PCBP2: variants seen among roughly 807,000 people sequenced by gnomAD.
PCBP2 encodes poly(rC)-binding protein 2.
PCBP2 carries 4 observed loss-of-function variants against 50.1 expected under a neutral mutation model. That is an observed-to-expected ratio of 0.08 (90% CI 0.04 to 0.18). The LOEUF is 0.18. Ranked by LOEUF, PCBP2 falls within the 10% of genes least tolerant of loss-of-function variation. PCBP2 has a pLI of 1.00. For missense variants in PCBP2, 161 were observed against 474.3 expected, an observed-to-expected ratio of 0.34 and a Z score of 6.14; for synonymous variants, 179 against 168.0, an observed-to-expected ratio of 1.07 and a Z score of -0.51.
chr12:53,477,556 C>G (rs868734428), intron 14 of PCBP2, among the ~76,000 whole-genome samples: 2 of 148,124 alleles, frequency 1.4e-5, no homozygotes, highest in Admixed American at 1.4e-4. Flanking sequence ...GTCCCAGCAA[C>G]TCGGGAGGCT....
intron 14 of PCBP2, chr12:53,474,812 T>C: frequency 5.5e-6 from 2 of 362,048 alleles, no homozygotes; most frequent in South Asian, 4.1e-5. Flanking sequence ...TTACTCCCTT[T>C]TGTGGTCTTC....
At chr12:53,461,254 G>A (rs1941424605) in intron 7 of PCBP2, 111 bp downstream of exon 7, 11 of 1,245,046 alleles carry the variant, frequency 8.8e-6, no homozygotes, top group African/African-American at 3.0e-5. Context: ...GGCTTCCAGT[G>A]GGGGTGGGGC....
Position 53,454,714 on chromosome 12 carries a change from T to G in PCBP2, c.-75-12T>G. On this transcript the variant is annotated splice_polypyrimidine_tract_variant and intron_variant, in intron 1 of 14. Coordinates refer to ENST00000546463, the MANE Select transcript of PCBP2 (RefSeq NM_031989.5). ...TTTTCCTCCTCTGATTTTGGTCATG[T>G]TTGCATTTTAGTTTTTGGCTTTCAC... 2.0e-6 allele frequency: 2 copies of G among 984,236 alleles called. No homozygotes were observed. The highest frequency in any genetic ancestry group is 1.3e-5 in the South Asian group (1 of 76,628). 61.0% of individuals were successfully genotyped at this position (984,236 alleles called of 1,614,324 possible).
rs1370938792 is a variant in PCBP2, at chr12:53,455,242, A to C, written c.70-105A>C. 33 of 1,075,826 alleles carry C rather than the reference A, an allele frequency of 3.1e-5. No individual in the cohort carries two copies. In the East Asian group the frequency reaches 8.6e-4, roughly 28 times the overall value. 66.6% of individuals were successfully genotyped at this position (1,075,826 alleles called of 1,614,324 possible). On this transcript the variant is annotated intron_variant, in intron 2 of 14. Coordinates refer to ENST00000546463, the MANE Select transcript of PCBP2 (RefSeq NM_031989.5). ...TAGACAGTTAAAATTCCTTTTCATA[A>C]TGAATACTTCATTAGAACATGTAGA...
chr12:53,457,166 C>T (rs1941091254), intron 5 of PCBP2, among the ~76,000 whole-genome samples: 1 of 152,082 alleles, frequency 6.6e-6, no homozygotes, highest in Non-Finnish European at 1.5e-5. Context: ...TCTGCCTTAG[C>T]TTCCTGAGTA....
intron 1 of PCBP2, among the ~76,000 whole-genome samples, 174 bp downstream of exon 1, chr12:53,452,550 CGGCCTAGTAGGCCTCGCGCAA>C (rs1291660853): frequency 2.0e-5 from 3 of 151,420 alleles, no homozygotes; most frequent in Admixed American, 6.6e-5. Flanking sequence ...GGCTCTGGCG[CGGCCTAGTAGGCCTCGCGCAA>C]GGCCTATTCC....
intron 8 of PCBP2, among the ~76,000 whole-genome samples, chr12:53,463,456 A>G (rs184506142): frequency 8.5e-4 from 130 of 152,308 alleles, no homozygotes; most frequent in South Asian, 1.2e-3. Context: ...TCTGTACTGA[A>G]CATGTACAGG....
At chr12:53,465,015 G>A (rs1250318847) in intron 9 of PCBP2, 163 bp downstream of exon 9, 10 of 836,774 alleles carry the variant, frequency 1.2e-5, no homozygotes, top group East Asian at 3.4e-5. Flanking sequence ...CACCCAGGCC[G>A]CGTAGCCCAC....
At chr12:53,454,557 C>T (rs544625085) in intron 1 of PCBP2, 169 bp from the exon 2 acceptor site, 2 of 509,814 alleles carry the variant, frequency 3.9e-6, no homozygotes, top group Non-Finnish European at 7.1e-6. Context: ...TGTAACAGAA[C>T]CTGAGCTGTA....
intron 14 of PCBP2, chr12:53,475,139 T>TACC (rs878857120): frequency 3.5e-5 from 16 of 456,294 alleles, no homozygotes; most frequent in African/African-American, 6.0e-5. Context: ...GGGCTTCAGC[T>TACC]ACCACCACCA....
At chr12:53,476,351 A>G (rs1348046621) in intron 14 of PCBP2, among the ~76,000 whole-genome samples, 4 of 152,202 alleles carry the variant, frequency 2.6e-5, no homozygotes, top group Non-Finnish European at 5.9e-5. Flanking sequence ...CCCTAAGATA[A>G]TTTAAATTCA....
intron 7 of PCBP2, 43 bp downstream of exon 7, chr12:53,461,186 C>G (rs767158950): frequency 1.2e-6 from 2 of 1,605,586 alleles, no homozygotes; most frequent in Admixed American, 1.7e-5. Flanking sequence ...GAGGGCCATT[C>G]TGGGGACAGA....
intron 5 of PCBP2, among the ~76,000 whole-genome samples, chr12:53,457,483 C>T (rs931323423): frequency 9.9e-5 from 15 of 151,988 alleles, no homozygotes; most frequent in African/African-American, 3.4e-4. Flanking sequence ...GTAGGTGGGA[C>T]CACAGGCTTG....
At chr12:53,468,641 C>A (rs1941983985) in intron 12 of PCBP2, 136 bp from the exon 13 acceptor site, 4 of 708,516 alleles carry the variant, frequency 5.6e-6, no homozygotes, top group South Asian at 4.9e-5. Flanking sequence ...TCTTTGGAGG[C>A]TTCCAAGTTA....
At chr12:53,465,563 G>A (rs1013525210) in intron 9 of PCBP2, among the ~76,000 whole-genome samples, 3 of 152,146 alleles carry the variant, frequency 2.0e-5, no homozygotes, top group African/African-American at 7.2e-5. Flanking sequence ...GGGTGGTGAG[G>A]GAAGAGATCA....
At chr12:53,460,746 A>C (rs1941397298) in intron 6 of PCBP2, 1 of 313,130 alleles carries the variant, frequency 3.2e-6, no homozygotes, top group Non-Finnish European at 6.1e-6. Flanking sequence ...TTGAAAGGCA[A>C]CTATTTAGAA....
At chr12:53,473,514 G>GT (rs1320707947) in intron 14 of PCBP2, among the ~76,000 whole-genome samples, 2 of 152,166 alleles carry the variant, frequency 1.3e-5, no homozygotes, top group East Asian at 3.8e-4. Context: ...AATTTAAATT[G>GT]TGACTGTTTA....
At chr12:53,456,382 C>T (rs1252416003) in intron 5 of PCBP2, among the ~76,000 whole-genome samples, 5 of 151,036 alleles carry the variant, frequency 3.3e-5, no homozygotes, top group Non-Finnish European at 7.4e-5. Flanking sequence ...CGCTTGAACC[C>T]GGGAGGCGGA....
At position 53,454,790 on chromosome 12, in the gene PCBP2, C is replaced by T. The variant is rs1940863548; in HGVS notation, c.-11C>T. The T allele has an allele frequency of 6.2e-7, 1 of 1,613,430 alleles. No homozygotes were observed. Among genetic ancestry groups the T allele is most frequent in the South Asian group, 1.1e-5 (1 of 91,068 alleles). ...CCACTCAAAGTCCAGCTCCCCAGAA[C>T]ACTGCTCGACATGGACACCGGTGTG... On this transcript the variant is annotated 5_prime_UTR_variant, in exon 2 of 15. Coordinates refer to ENST00000546463, the MANE Select transcript of PCBP2 (RefSeq NM_031989.5).
Sources: gnomAD v4.1 joint callset for allele counts (sites outside exome capture counted in the v4.1 genomes callset) on GRCh38, gnomAD v4.1.1 for gene constraint, MANE v1.5 for transcripts, NCBI Gene and HGNC (gene_info 2026-07-23, HGNC 2026-07-21) for gene names.